FN3K: variants seen among roughly 807,000 people sequenced by gnomAD.
FN3K encodes the protein fructosamine 3 kinase.
In FN3K, 24 loss-of-function variants were observed where a neutral mutation model predicts 24.8. The ratio of observed to expected loss-of-function variants is 0.97; its 90% CI spans 0.70 to 1.36. The LOEUF is 1.36. FN3K is among the 40% of genes most tolerant of loss of function. The pLI is 0.00. For missense variants in FN3K, 449 were observed against 416.7 expected (o/e 1.08, Z -0.67); for synonymous variants, 192 against 175.2 (o/e 1.10, Z -0.76).
chr17:82,749,096 A>T, intron 5 of FN3K, 119 bp downstream of exon 5: 5 of 1,437,928 alleles, frequency 3.5e-6, no homozygotes, highest in Non-Finnish European at 4.8e-6. Flanking sequence ...TGGAGCACAC[A>T]TCAGGGAGGA....
At chr17:82,744,580 A>G (rs2046957973) in intron 4 of FN3K, among the ~76,000 whole-genome samples, 1 of 151,282 alleles carries the variant, frequency 6.6e-6, no homozygotes, top group Non-Finnish European at 1.5e-5. Flanking sequence ...CTCGTTAGGT[A>G]GAACGAGAGA....
At position 82,742,942 on chromosome 17, in the gene FN3K, C is replaced by G. The variant is rs543830832; in HGVS notation, c.468+1549C>G. Among the ~76,000 whole-genome samples, 74 of 152,252 alleles carry G rather than the reference C, an allele frequency of 4.9e-4. 1 individual carries two copies. Among genetic ancestry groups the G allele is most frequent in the African/African-American group, 1.8e-3 (74 of 41,554 alleles). ...AGCTGGAGGTCACCTGGGGCAAGAT[C>G]CTCATGAAGCCCAAGCAGATTTAGG... On this transcript the variant is annotated intron_variant, in intron 4 of 5. Coordinates refer to ENST00000300784, the MANE Select transcript of FN3K (RefSeq NM_022158.4).
At chr17:82,739,699 T>C (rs1227410714) in intron 2 of FN3K, among the ~76,000 whole-genome samples, 4 of 152,030 alleles carry the variant, frequency 2.6e-5, no homozygotes, top group African/African-American at 4.8e-5. Context: ...CCTCGTGATC[T>C]ACCCGCCTTG....
chr17:82,735,853 G>C lies in FN3K; in HGVS notation c.141+76G>C, dbSNP rs987869860. ...GAAGGCGGAGGGGTCGGGGGCAGGC[G>C]CATTTCCTGGGGCTGGGCCTGGGGA... On this transcript the variant is annotated intron_variant, in intron 1 of 5. Coordinates refer to ENST00000300784, the MANE Select transcript of FN3K (RefSeq NM_022158.4). The C allele has an allele frequency of 1.4e-4, 217 of 1,508,598 alleles. 3 individuals carry two copies. In the South Asian group the frequency reaches 2.4e-3, roughly 17 times the overall value. 93.5% of individuals were successfully genotyped at this position (1,508,598 alleles called of 1,614,324 possible).
At position 82,742,856 on chromosome 17, in the gene FN3K, A is replaced by T. The variant is rs575645646; in HGVS notation, c.468+1463A>T. ...CTCCTTGTCGACGCCCGTCCTGACT[A>T]GTTGGGTCCCTGCGAACAATGACCA... On this transcript the variant is annotated intron_variant, in intron 4 of 5. Coordinates refer to ENST00000300784, the MANE Select transcript of FN3K (RefSeq NM_022158.4). 3.7e-5 allele frequency: 14 copies of T among 375,764 alleles called. No homozygotes were observed. In the East Asian group the frequency reaches 1.1e-3, roughly 29 times the overall value. The allele number at this position is 375,764 out of a possible 1,614,324, so 23.3% of individuals were successfully genotyped here.
intron 2 of FN3K, 73 bp downstream of exon 2, chr17:82,738,713 C>G: frequency 1.3e-6 from 2 of 1,577,448 alleles, no homozygotes; most frequent in Non-Finnish European, 1.7e-6. Context: ...CAGAGAGAGA[C>G]AGAGAAAGGG....
chr17:82,749,464 G>A, intron 5 of FN3K: 1 of 271,656 alleles, frequency 3.7e-6, no homozygotes, highest in Non-Finnish European at 7.2e-6. Context: ...AGGAGTTTGA[G>A]ACCAGCCTGG....
intron 4 of FN3K, among the ~76,000 whole-genome samples, chr17:82,747,508 C>G (rs574166705): frequency 2.0e-5 from 3 of 152,152 alleles, no homozygotes; most frequent in African/African-American, 7.2e-5. Flanking sequence ...TCAAGAGATT[C>G]TCCTGCCTCA....
intron 4 of FN3K, among the ~76,000 whole-genome samples, chr17:82,748,058 G>A (rs969412729): frequency 1.6e-4 from 24 of 152,104 alleles, no homozygotes; most frequent in African/African-American, 5.5e-4. Context: ...TTCATTAGTC[G>A]ACTCCCTTTG....
chr17:82,746,043 G>A (rs550554192), intron 4 of FN3K, among the ~76,000 whole-genome samples: 4 of 143,548 alleles, frequency 2.8e-5, no homozygotes, highest in Admixed American at 1.5e-4. Flanking sequence ...GCAGTGAGCC[G>A]AGATCTCGCC....
Position 82,750,833 on chromosome 17 carries a change from T to A in FN3K, c.*78T>A. 1 of 1,011,880 alleles carries A rather than the reference T, an allele frequency of 9.9e-7. No individual in the cohort carries two copies. Among genetic ancestry groups the A allele is most frequent in the Non-Finnish European group, 1.3e-6 (1 of 747,002 alleles). 62.7% of individuals were successfully genotyped at this position (1,011,880 alleles called of 1,614,324 possible). A position where few individuals can be genotyped will look rare whatever the true frequency, so the allele number is the denominator to read the frequency against. On this transcript the variant is annotated 3_prime_UTR_variant, in exon 6 of 6. Coordinates refer to ENST00000300784, the MANE Select transcript of FN3K (RefSeq NM_022158.4). The stretch of plus-strand genomic sequence containing the variant: ...CCTGTCCCCCCGTCCCCCGTCCCTG[T>A]GCCCCCGTCCCTGTCCCCCTGTTCC...
chr17:82,739,821 G>T (rs767190695), intron 2 of FN3K, among the ~76,000 whole-genome samples: 1 of 152,054 alleles, frequency 6.6e-6, no homozygotes. Flanking sequence ...TCAGTGATCC[G>T]CCTGCCTTGG....
chr17:82,750,523 A>G lies in FN3K; in HGVS notation c.698A>G (p.Tyr233Cys). 1 of 1,614,118 alleles carries G rather than the reference A, an allele frequency of 6.2e-7. No individual in the cohort carries two copies. The highest frequency in any genetic ancestry group is 8.5e-7 in the Non-Finnish European group (1 of 1,180,014). The stretch of plus-strand genomic sequence containing the variant: ...GAGGACGACGTGGGGCCCATTATTT[A>G]CGACCCGGCTTCCTTCTATGGCCAT... ...VAEDDVGPII[Y>C]DPASFYGHSE... Residue 233 changes from tyrosine to cysteine, a missense_variant, in exon 6 of 6, where the codon TAC becomes TGC. Transcript: ENST00000300784.
chr17:82,741,517 A>C, intron 4 of FN3K, 124 bp downstream of exon 4: 1 of 904,096 alleles, frequency 1.1e-6, no homozygotes, highest in African/African-American at 1.6e-5. Context: ...AAAGCAGAGT[A>C]GAAGCTGTGA....
At chr17:82,740,322 A>G (rs139522573) in intron 2 of FN3K, among the ~76,000 whole-genome samples, 2,644 of 141,720 alleles carry the variant, frequency 0.019, 38 homozygotes, top group Non-Finnish European at 0.025. Flanking sequence ...ACATGATGTT[A>G]TTTTCTGGAA....
chr17:82,745,286 C>CA, intron 4 of FN3K: 1 of 193,186 alleles, frequency 5.2e-6, no homozygotes, highest in Non-Finnish European at 1.0e-5. Flanking sequence ...ATTTGTTTAA[C>CA]AAAGCACATC....
intron 4 of FN3K, among the ~76,000 whole-genome samples, chr17:82,742,061 C>T (rs1380380645): frequency 6.6e-6 from 1 of 152,172 alleles, no homozygotes; most frequent in Non-Finnish European, 1.5e-5. Context: ...GCATGCACCA[C>T]CACACCCGGC....
chr17:82,741,375 C>G lies in FN3K; in HGVS notation c.450C>G (p.Cys150Trp). ...VDKFGFHTVT[C>W]CGFIPQVNEW... is the part of the protein sequence containing the mutation. The stretch of plus-strand genomic sequence containing the variant: ...AGTTCGGCTTCCACACGGTGACGTG[C>G]TGCGGCTTCATCCCGCAGGTGAGTG... The change falls in exon 4 of 6, where the codon TGC (cysteine) becomes TGG (tryptophan). Residue 150 changes from cysteine to tryptophan, a missense_variant. By Grantham distance (215) the Cys-to-Trp change is radical. Coordinates refer to ENST00000300784, the MANE Select transcript of FN3K (RefSeq NM_022158.4). 6.2e-7 allele frequency: 1 copy of G among 1,613,660 alleles called. No homozygotes were observed. The highest frequency in any genetic ancestry group is 8.5e-7 in the Non-Finnish European group (1 of 1,179,778).
intron 1 of FN3K, 114 bp from the exon 2 acceptor site, chr17:82,738,375 C>G (rs1271605886): frequency 7.0e-6 from 10 of 1,425,436 alleles, no homozygotes; most frequent in African/African-American, 2.8e-5. Flanking sequence ...CCAGAGCCAG[C>G]TATCAGTGAA....
Sources: gnomAD v4.1 joint callset for allele counts (sites outside exome capture counted in the v4.1 genomes callset) on GRCh38, gnomAD v4.1.1 for gene constraint, MANE v1.5 for transcripts, NCBI Gene and HGNC (gene_info 2026-07-23, HGNC 2026-07-21) for gene names.